TTL: variants seen among roughly 807,000 people sequenced by gnomAD.
The protein encoded by TTL is tubulin--tyrosine ligase.
TTL carries 10 observed loss-of-function variants against 41.1 expected under a neutral mutation model. The ratio of observed to expected loss-of-function variants is 0.24; its 90% confidence interval spans 0.15 to 0.41. The LOEUF is 0.41. TTL is among the 10% of genes least tolerant of loss of function. TTL has a pLI of 1.00. For synonymous variants in TTL, 175 were observed against 175.5 expected (o/e 1.00, Z 0.02); for missense variants, 367 against 460.4 (o/e 0.80, Z 1.86).
At chr2:112,483,950 A>G (rs1338394688) in intron 1 of TTL, 1 of 152,224 alleles carries the variant, frequency 6.6e-6, no homozygotes, top group African/African-American at 2.4e-5. Context: ...AGAATTGCTT[A>G]TAGTTGAGAA....
intron 3 of TTL, among the ~76,000 whole-genome samples, chr2:112,495,154 T>C (rs1432610619): frequency 1.3e-5 from 2 of 152,200 alleles, no homozygotes; most frequent in African/African-American, 4.8e-5. Flanking sequence ...TCCAAACTTG[T>C]CTCTGTACCT....
intron 6 of TTL, among the ~76,000 whole-genome samples, chr2:112,520,848 G>A (rs1395008628): frequency 2.6e-5 from 4 of 152,128 alleles, no homozygotes; most frequent in South Asian, 4.2e-4. Context: ...AGCCTGGGAG[G>A]TTGAGGCTGC....
At position 112,529,741 on chromosome 2, in the gene TTL, T is replaced by C. The variant is rs4849069; in HGVS notation, c.*946T>C. On this transcript the variant is annotated 3_prime_UTR_variant, in exon 7 of 7. Transcript: ENST00000233336. Reference sequence around the variant, plus strand: ...AGGTTGCTTTCCCCCTTTTTGTTCTTTTTATGCCCCCAAGCACTTTCTGCA... The same window carrying C: ...AGGTTGCTTTCCCCCTTTTTGTTCTCTTTATGCCCCCAAGCACTTTCTGCA... 614 of 222,400 alleles carry C rather than the reference T, an allele frequency of 2.8e-3. 10 individuals carry two copies. In the East Asian group the frequency reaches 0.037, roughly 13 times the overall value. The allele number at this position is 222,400 out of a possible 1,614,324, so 13.8% of individuals were successfully genotyped here.
rs1682506696 is a variant in TTL at position 112,531,447 on chromosome 2, T to C, written c.*2652T>C. ...CAGGGACTACCTCAAGGGCTTTTGA[T>C]GAGGACAAGTGACAGTAGGAAGATG... On this transcript the variant is annotated 3_prime_UTR_variant, in exon 7 of 7. Transcript: ENST00000233336. 4.4e-6 allele frequency: 1 copy of C among 229,818 alleles called. No individual in the cohort carries two copies. Among genetic ancestry groups the C allele is most frequent in the African/African-American group, 2.2e-5 (1 of 45,132 alleles). 14.2% of individuals were successfully genotyped at this position (229,818 alleles called of 1,614,324 possible). A position where few individuals can be genotyped will look rare whatever the true frequency, so the allele number is the denominator to read the frequency against.
chr2:112,496,438 C>G (rs1284853891), intron 3 of TTL, among the ~76,000 whole-genome samples: 1 of 152,110 alleles, frequency 6.6e-6, no homozygotes, highest in Admixed American at 6.6e-5. Context: ...CCTTCAAACT[C>G]TACCCATTAT....
rs1275587994 is a variant in TTL, at chr2:112,539,857, T to G, written c.*11062T>G. On this transcript the variant is annotated 3_prime_UTR_variant, in exon 7 of 7. Transcript: ENST00000233336. ...CAGACACAAGATCAATATACAAAAC[T>G]CAATGGTATTTCTACATATTACAAA... 1 of 152,176 alleles carries G rather than the reference T, an allele frequency of 6.6e-6. No individual in the cohort carries two copies. 9.4% of individuals were successfully genotyped at this position (152,176 alleles called of 1,614,324 possible).
intron 5 of TTL, 141 bp from the exon 6 acceptor site, chr2:112,520,130 CAAAAAAAAAAA>C (rs34238996): frequency 2.4e-5 from 12 of 506,078 alleles, no homozygotes; most frequent in Non-Finnish European, 3.5e-5. Context: ...AACTCCGTCT[CAAAAAAAAAAA>C]AAAAAAAAAG....
At chr2:112,501,131 G>A (rs989688512) in intron 3 of TTL, 75 bp from the exon 4 acceptor site, 43 of 1,485,566 alleles carry the variant, frequency 2.9e-5, no homozygotes, top group African/African-American at 2.0e-4. Flanking sequence ...TTTGCTGTTC[G>A]TATTTCCTTT....
At position 112,482,498 on chromosome 2, in the gene TTL, C is replaced by T. The variant is rs558477150; in HGVS notation, c.154C>T (p.Leu52=). Residue 52 remains leucine (L), a synonymous_variant, in exon 1 of 7, where the codon CTG becomes TTG. Transcript: ENST00000233336. This position sits in a 1 kb window ranked among gnomAD's most constrained non-coding sequence, Gnocchi z 5.3. ...GAGGAATCGGCTGCCCTTCGGGAGA[C>T]TGGGTGAGCCCCTCCCCGATTCCCG... ...GERNRLPFGR[L]GHEPGLVQLV... 1.9e-6 allele frequency: 3 copies of T among 1,603,214 alleles called. No homozygotes were observed. Among genetic ancestry groups the T allele is most frequent in the Middle Eastern group, 1.7e-4 (1 of 6,028 alleles).
intron 6 of TTL, 109 bp from the exon 7 acceptor site, chr2:112,528,572 C>T (rs1293547752): frequency 2.3e-6 from 2 of 857,264 alleles, no homozygotes; most frequent in Non-Finnish European, 3.8e-6. Flanking sequence ...CCACTGCATG[C>T]CAACTTGGGA....
chr2:112,485,263 A>G (rs1475899742), intron 1 of TTL, among the ~76,000 whole-genome samples: 5 of 152,122 alleles, frequency 3.3e-5, no homozygotes, highest in African/African-American at 1.2e-4. Flanking sequence ...AACACTTTTT[A>G]TTTTTAATAA....
In TTL at chr2:112,488,108, C is replaced by G. The variant is rs1559009900; in HGVS notation, c.236+2113C>G. 2.0e-5 allele frequency among the ~76,000 whole-genome samples: 3 copies of G among 152,288 alleles called. No homozygotes were observed. In the South Asian group the frequency reaches 6.2e-4, roughly 32 times the overall value. ...AAGACCCTGTGCAGCCCAGTCCTTC[C>G]CCCTGTCACTTCAGGGAGTTTCGGA... is the stretch of plus-strand genomic sequence containing the variant. On this transcript the variant is annotated intron_variant, in intron 2 of 6. Transcript: ENST00000233336.
intron 6 of TTL, among the ~76,000 whole-genome samples, chr2:112,526,636 C>T (rs554824819): frequency 6.6e-6 from 1 of 151,976 alleles, no homozygotes; most frequent in East Asian, 1.9e-4. Flanking sequence ...TGGTGATAAC[C>T]CCTTTATCAT....
At position 112,482,389 on chromosome 2, in the gene TTL, C is replaced by G. The variant is rs1681114135; in HGVS notation, c.45C>G (p.Ala15=). 6.3e-7 allele frequency: 1 copy of G among 1,595,598 alleles called. No individual in the cohort carries two copies. The highest frequency in any genetic ancestry group is 8.5e-7 in the Non-Finnish European group (1 of 1,172,106). ...VVRDENSSVY[A]EVSRLLLATG... ...GCGATGAGAACAGCAGCGTCTACGC[C>G]GAGGTCTCCCGGCTGCTCCTCGCCA... The change falls in exon 1 of 7, where the codon GCC becomes GCG. Residue 15 remains alanine, a synonymous_variant. Coordinates refer to ENST00000233336, the MANE Select transcript of TTL (RefSeq NM_153712.5). This position sits in a 1 kb window ranked among gnomAD's most constrained non-coding sequence, Gnocchi z 5.3.
Position 112,531,746 on chromosome 2 carries a change from CGTAT to C in TTL, c.*2956_*2959del. The C allele has an allele frequency of 4.5e-6, 1 of 222,720 alleles. No individual in the cohort carries two copies. Among genetic ancestry groups the C allele is most frequent in the Non-Finnish European group, 9.0e-6 (1 of 111,576 alleles). The allele number at this position is 222,720 out of a possible 1,614,324, so 13.8% of individuals were successfully genotyped here. On this transcript the variant is annotated 3_prime_UTR_variant, in exon 7 of 7. Coordinates refer to ENST00000233336, the MANE Select transcript of TTL (RefSeq NM_153712.5). ...TTCTTTAAGGATGACCGGATGTTGC[CGTAT>C]GTATTTATGGCACAAGCAGGTGTTG...
intron 3 of TTL, among the ~76,000 whole-genome samples, chr2:112,497,925 C>G (rs535117651): frequency 4.5e-4 from 69 of 152,288 alleles, no homozygotes; most frequent in African/African-American, 1.6e-3. Flanking sequence ...TGACAACTCA[C>G]TAAAGAGTGA....
chr2:112,482,610 C>T lies in TTL; in HGVS notation c.157+109C>T, dbSNP rs1299241975. ...TTTTAAAGGTCATACATTTTCTCCT[C>T]TGTCGCTTGTCGGGCACATCAGAAA... On this transcript the variant is annotated intron_variant, in intron 1 of 6. Transcript: ENST00000233336. This position sits in a 1 kb window ranked among gnomAD's most constrained non-coding sequence, Gnocchi z 5.3. The T allele has an allele frequency of 8.2e-7, 1 of 1,220,962 alleles. No individual in the cohort carries two copies. The highest frequency in any genetic ancestry group is 1.7e-5 in the South Asian group (1 of 58,254). The allele number at this position is 1,220,962 out of a possible 1,614,324, so 75.6% of individuals were successfully genotyped here.
chr2:112,512,199 C>G (rs537672793), intron 5 of TTL, among the ~76,000 whole-genome samples: 33 of 152,064 alleles, frequency 2.2e-4, no homozygotes, highest in African/African-American at 7.7e-4. Context: ...TCAAGTGATT[C>G]TCCTGCCTCA....
chr2:112,501,755 TACTCAGGAGGCTG>T (rs1681705015), intron 4 of TTL, among the ~76,000 whole-genome samples: 1 of 151,816 alleles, frequency 6.6e-6, no homozygotes, highest in South Asian at 2.1e-4. Flanking sequence ...TAATCCCATC[TACTCAGGAGGCTG>T]AGGAAGGAGA....
Sources: allele counts gnomAD v4.1 joint callset (sites outside exome capture counted in the v4.1 genomes callset), GRCh38; gene constraint gnomAD v4.1.1; non-coding constraint Gnocchi (gnomAD v3.1); transcripts MANE v1.5; gene names NCBI Gene and HGNC (gene_info 2026-07-23, HGNC 2026-07-21).